The following SPTAN1 variants were observed in gnomAD, a reference collection of about 807,000 sequenced individuals.
The protein encoded by SPTAN1 is spectrin alpha chain, non-erythrocytic 1.
SPTAN1 carries 61 observed loss-of-function variants against 331.3 expected under a neutral mutation model. The observed-to-expected ratio is 0.18, with a 90% CI of 0.15 to 0.23. SPTAN1 has a LOEUF of 0.23. Ranked by LOEUF, SPTAN1 falls within the 10% of genes least tolerant of loss-of-function variation. SPTAN1 has a pLI of 1.00. For synonymous variants in SPTAN1, 1,153 were observed against 1,173.9 expected, an observed-to-expected ratio of 0.98 and a Z score of 0.36; for missense variants, 2,043 against 3,147.9, an observed-to-expected ratio of 0.65 and a Z score of 8.40.
In SPTAN1 at chr9:128,591,509, G is replaced by A; in HGVS notation, c.3039G>A (p.Gln1013=). The change falls in exon 22 of 57, where the codon CAG becomes CAA. Residue 1013 remains glutamine, a synonymous_variant. Transcript: ENST00000372739. ...GGAAAGTGGAAGTGAACGATCGTCA[G>A]GGTTTTGTGCCGGCTGCGTACGTGA... ...DWWKVEVNDR[Q]GFVPAAYVKK... is the part of the protein sequence containing the mutation. 1.2e-6 allele frequency: 2 copies of A among 1,614,158 alleles called. No individual in the cohort carries two copies. Among genetic ancestry groups the A allele is most frequent in the Non-Finnish European group, 1.7e-6 (2 of 1,180,028 alleles).
At chr9:128,597,109 A>G (rs1278742561) in intron 24 of SPTAN1, among the ~76,000 whole-genome samples, 1 of 152,124 alleles carries the variant, frequency 6.6e-6, no homozygotes, top group Non-Finnish European at 1.5e-5. Context: ...GCAGTGAGCC[A>G]TGATCACGCC....
At chr9:128,591,067 CT>C (rs34399310) in intron 21 of SPTAN1, among the ~76,000 whole-genome samples, 145,340 of 150,228 alleles carry the variant, frequency 0.97, 70,472 homozygotes, top group Non-Finnish European at 1. Flanking sequence ...CATTTTGGAC[CT>C]TTTTTTTTTA....
At chr9:128,628,950 T>TCCTAGTGTGAGCTG (rs1859226973) in intron 51 of SPTAN1, 1 of 391,676 alleles carries the variant, frequency 2.6e-6, no homozygotes, top group Non-Finnish European at 4.5e-6. Flanking sequence ...TCTTGCCCAT[T>TCCTAGTGTGAGCTG]CCTAGTGTGA....
Position 128,625,719 on chromosome 9 carries a change from G to T in SPTAN1, c.6070-50G>T. On this transcript the variant is annotated intron_variant, in intron 47 of 56. Coordinates refer to ENST00000372739, the MANE Select transcript of SPTAN1 (RefSeq NM_001130438.3). The surrounding 1 kb of genome is among the most constrained non-coding windows in gnomAD (Gnocchi z 4.1). ...TGCCATCTGAGCCTAGGAAGAGCAAGTTCCAGTCCTGTGGAGTCACCACAA... is the reference window on the plus strand; with the variant it reads ...TGCCATCTGAGCCTAGGAAGAGCAATTTCCAGTCCTGTGGAGTCACCACAA... The T allele has an allele frequency of 6.3e-7, 1 of 1,578,888 alleles. No homozygotes were observed. Among genetic ancestry groups the T allele is most frequent in the Non-Finnish European group, 8.7e-7 (1 of 1,151,326 alleles).
intron 45 of SPTAN1, among the ~76,000 whole-genome samples, chr9:128,624,081 C>T (rs1053924740): frequency 9.6e-5 from 10 of 104,060 alleles, no homozygotes; most frequent in Admixed American, 8.5e-4. Flanking sequence ...AAATTCACTC[C>T]GTCTCAAAAA....
Position 128,632,660 on chromosome 9 carries a change from G to A in SPTAN1, c.7102G>A (p.Glu2368Lys). 3 of 1,614,066 alleles carry A rather than the reference G, an allele frequency of 1.9e-6. 1 individual carries two copies. The South Asian group carries it at 3.3e-5, about 18-fold the overall frequency. ...RSLGYDLPMV[E>K]EGEPDPEFEA... Reference sequence around the variant, plus strand: ...CCTGGGCTATGACCTGCCCATGGTGGAGGAAGGGGAACCTGACCCTGAGTT... The same window carrying A: ...CCTGGGCTATGACCTGCCCATGGTGAAGGAAGGGGAACCTGACCCTGAGTT... The change falls in exon 55 of 57, where the codon GAG becomes AAG. Residue 2368 changes from glutamate (E) to lysine (K), a missense_variant. Around this residue, in one of 12 missense-constraint regions of SPTAN1, gnomAD observed 58 missense variants for 74.0 expected, o/e 0.78. Coordinates refer to ENST00000372739, the MANE Select transcript of SPTAN1 (RefSeq NM_001130438.3).
chr9:128,558,214 A>G (rs1429155429), intron 1 of SPTAN1, among the ~76,000 whole-genome samples: 1 of 152,192 alleles, frequency 6.6e-6, no homozygotes, highest in Non-Finnish European at 1.5e-5. Context: ...TTTATTTATT[A>G]CAATAGAGGA....
At chr9:128,586,315 T>C (rs1438306188) in intron 19 of SPTAN1, among the ~76,000 whole-genome samples, 1 of 151,896 alleles carries the variant, frequency 6.6e-6, no homozygotes, top group East Asian at 1.9e-4. Flanking sequence ...TTATTTTTAG[T>C]AGAGACAGGG....
At position 128,580,950 on chromosome 9, in the gene SPTAN1, C is replaced by G; in HGVS notation, c.1352C>G (p.Ala451Gly). ...KLTVLSEERAALLELWELRRQ... is the reference protein window; with the variant it reads ...KLTVLSEERAGLLELWELRRQ... Reference sequence around the variant, plus strand: ...ACCGTCCTTTCCGAGGAGAGAGCGGCGCTGCTGGAGCTGTGGGAGCTGCGC... The same window carrying G: ...ACCGTCCTTTCCGAGGAGAGAGCGGGGCTGCTGGAGCTGTGGGAGCTGCGC... The change falls in exon 11 of 57, where the codon GCG (alanine) becomes GGG (glycine). Residue 451 changes from alanine to glycine, a missense_variant. This residue lies in a region of SPTAN1 where 1,038 missense variants were observed against 1,531.5 expected (regional missense o/e 0.68). Coordinates refer to ENST00000372739, the MANE Select transcript of SPTAN1 (RefSeq NM_001130438.3). 2 of 1,613,478 alleles carry G rather than the reference C, an allele frequency of 1.2e-6. No individual in the cohort carries two copies. Among genetic ancestry groups the G allele is most frequent in the Non-Finnish European group, 1.7e-6 (2 of 1,180,018 alleles).
At chr9:128,609,788 C>T (rs1299892284) in intron 37 of SPTAN1, 123 bp downstream of exon 37, 1 of 631,446 alleles carries the variant, frequency 1.6e-6, no homozygotes, top group Non-Finnish European at 2.6e-6. Context: ...CCATCCTTTT[C>T]ATTTCTAATC....
chr9:128,565,972 A>G (rs1849987022), intron 1 of SPTAN1, among the ~76,000 whole-genome samples: 1 of 152,214 alleles, frequency 6.6e-6, no homozygotes, highest in African/African-American at 2.4e-5. Context: ...GTGTGAGGTC[A>G]CATGTTGCTG....
At position 128,577,048 on chromosome 9, in the gene SPTAN1, A is replaced by T. The variant is rs946705857; in HGVS notation, c.786-81A>T. The T allele has an allele frequency of 4.3e-6, 7 of 1,613,824 alleles. No homozygotes were observed. The highest frequency in any genetic ancestry group is 1.7e-5 in the Admixed American group (1 of 59,998). On this transcript the variant is annotated intron_variant, in intron 6 of 56. Transcript: ENST00000372739. This position sits in a 1 kb window ranked among gnomAD's most constrained non-coding sequence, Gnocchi z 4.2. ...ATGTGCTGGTGAGCTGTCGAGGCTGACTAGGCCTTGGTCCCATGGGGTGTT... is the reference window on the plus strand; with the variant it reads ...ATGTGCTGGTGAGCTGTCGAGGCTGTCTAGGCCTTGGTCCCATGGGGTGTT...
At chr9:128,618,815 C>T (rs1011257828) in intron 43 of SPTAN1, 56 bp from the exon 44 acceptor site, 16 of 1,613,350 alleles carry the variant, frequency 9.9e-6, no homozygotes, top group Non-Finnish European at 1.0e-5. Flanking sequence ...TGTTAACTAT[C>T]ACAATCAAAG....
Position 128,629,187 on chromosome 9 carries a change from G to A in SPTAN1, c.6708-1134G>A, listed in dbSNP as rs1486051684. The A allele has an allele frequency of 5.0e-6, 2 of 398,720 alleles. No homozygotes were observed. The highest frequency in any genetic ancestry group is 8.8e-6 in the Non-Finnish European group (2 of 226,166). The allele number at this position is 398,720 out of a possible 1,614,324, so 24.7% of individuals were successfully genotyped here. ...GAAGTTGGGGATGATCTGTCTGGAA[G>A]GTTTTTCTCCTTATTTCTCTTCTTA... is the stretch of plus-strand genomic sequence containing the variant. On this transcript the variant is annotated intron_variant, in intron 51 of 56. Coordinates refer to ENST00000372739, the MANE Select transcript of SPTAN1 (RefSeq NM_001130438.3). This position sits in a 1 kb window ranked among gnomAD's most constrained non-coding sequence, Gnocchi z 4.9.
At chr9:128,566,393 T>A (rs1270935179) in intron 1 of SPTAN1, among the ~76,000 whole-genome samples, 1 of 152,144 alleles carries the variant, frequency 6.6e-6, no homozygotes, top group African/African-American at 2.4e-5. Flanking sequence ...CAGTGATTAT[T>A]TGAATACCAC....
Position 128,581,902 on chromosome 9 carries a change from C to T in SPTAN1, c.1572+10C>T, listed in dbSNP as rs750706032. The T allele has an allele frequency of 6.3e-7, 1 of 1,583,578 alleles. No individual in the cohort carries two copies. Among genetic ancestry groups the T allele is most frequent in the South Asian group, 1.1e-5 (1 of 90,432 alleles). Reference sequence around the variant, plus strand: ...GGAGGAAAAGATTACAGTAAGACCCCTTCTTGTCAGTGCTTTCAAATGACC... The same window carrying T: ...GGAGGAAAAGATTACAGTAAGACCCTTTCTTGTCAGTGCTTTCAAATGACC... On this transcript the variant is annotated intron_variant, in intron 12 of 56. Coordinates refer to ENST00000372739, the MANE Select transcript of SPTAN1 (RefSeq NM_001130438.3).
At chr9:128,605,643 A>C (rs897692255) in intron 31 of SPTAN1, among the ~76,000 whole-genome samples, 166 bp downstream of exon 31, 2 of 152,212 alleles carry the variant, frequency 1.3e-5, no homozygotes, top group African/African-American at 4.8e-5. Flanking sequence ...CAGGAGCCGG[A>C]GACCAGCCTG....
At chr9:128,619,632 A>G (rs1371016799) in intron 44 of SPTAN1, among the ~76,000 whole-genome samples, 2 of 152,200 alleles carry the variant, frequency 1.3e-5, no homozygotes, top group Admixed American at 6.5e-5. Flanking sequence ...CATCAGGTCT[A>G]TTGGATTAGG....
intron 24 of SPTAN1, chr9:128,595,846 T>A (rs1339640565): frequency 6.6e-6 from 1 of 152,146 alleles, no homozygotes; most frequent in African/African-American, 2.4e-5. Context: ...GTTTTCTTTC[T>A]TTTATTTATT....
Sources: gnomAD v4.1 joint callset for allele counts (sites outside exome capture counted in the v4.1 genomes callset) on GRCh38, gnomAD v4.1.1 for gene constraint, gnomAD v4.1.1 regional missense constraint, Gnocchi (gnomAD v3.1) non-coding constraint, MANE v1.5 for transcripts, NCBI Gene and HGNC (gene_info 2026-07-23, HGNC 2026-07-21) for gene names.